The following ECT2L variants were observed in gnomAD, a reference collection of about 807,000 sequenced individuals.
ECT2L encodes epithelial cell transforming 2 like.
Under a neutral mutation model 122.8 loss-of-function variants are expected in ECT2L, and 126 were observed. The observed-to-expected ratio is 1.03, with a 90% CI of 0.89 to 1.19. The LOEUF (loss-of-function observed/expected upper bound fraction) is 1.19. Among genes scored for constraint, ECT2L ranks in the 50% most tolerant of loss-of-function variants. The probability of loss-of-function intolerance (pLI) is 0.00; values close to 1 mark genes in which losing one functional copy is unlikely to be tolerated. For synonymous variants in ECT2L, 385 were observed against 381.8 expected (o/e 1.01, Z -0.10); for missense variants, 1,012 against 1,064.1 (o/e 0.95, Z 0.68).
intron 9 of ECT2L, 146 bp from the exon 10 acceptor site, chr6:138,853,880 C>A: frequency 1.2e-6 from 1 of 835,682 alleles, no homozygotes; most frequent in Non-Finnish European, 1.9e-6. Flanking sequence ...CAACATGGTA[C>A]GGGAGGAAGC....
intron 4 of ECT2L, chr6:138,822,764 C>G (rs966046370): frequency 2.5e-6 from 4 of 1,596,168 alleles, no homozygotes; most frequent in African/African-American, 2.7e-5. Flanking sequence ...TGGAACAGAA[C>G]CAGTCAACAG....
At chr6:138,814,042 T>C (rs761839300) in intron 3 of ECT2L, among the ~76,000 whole-genome samples, 1 of 152,196 alleles carries the variant, frequency 6.6e-6, no homozygotes, top group Non-Finnish European at 1.5e-5. Context: ...TGGTGGGTGC[T>C]ATAAAGATCC....
rs151149204 is a variant in ECT2L at position 138,845,104 on chromosome 6, T to C, written c.764+524T>C. ...TGTATGTACAAATATAATTCTTTTA[T>C]AATAGAGAAACATCGGCTGTATTCA... On this transcript the variant is annotated intron_variant, in intron 7 of 21. Transcript: ENST00000541398. 8.8e-4 allele frequency among the ~76,000 whole-genome samples: 134 copies of C among 152,328 alleles called. 1 individual carries two copies. In the East Asian group the frequency reaches 0.023, roughly 26 times the overall value.
intron 20 of ECT2L, among the ~76,000 whole-genome samples, chr6:138,895,230 G>C (rs777982132): frequency 1.3e-5 from 2 of 152,104 alleles, no homozygotes; most frequent in Non-Finnish European, 2.9e-5. Flanking sequence ...ATTTCTACCA[G>C]GAATTTTTAC....
At chr6:138,817,653 T>TA (rs1776116037) in intron 4 of ECT2L, among the ~76,000 whole-genome samples, 1 of 152,246 alleles carries the variant, frequency 6.6e-6, no homozygotes, top group Non-Finnish European at 1.5e-5. Flanking sequence ...TCAAATATCT[T>TA]AGAGTTTTCT....
At chr6:138,815,697 G>A (rs1776043786) in intron 4 of ECT2L, among the ~76,000 whole-genome samples, 1 of 152,172 alleles carries the variant, frequency 6.6e-6, no homozygotes. Context: ...AAAAACTCTA[G>A]GTATGGCATC....
At chr6:138,820,270 A>G (rs1446080591) in intron 4 of ECT2L, among the ~76,000 whole-genome samples, 2 of 152,194 alleles carry the variant, frequency 1.3e-5, no homozygotes, top group African/African-American at 4.8e-5. Context: ...CCAGGGAGAC[A>G]TAAGGGTGGA....
rs1262840814 is a variant in ECT2L at position 138,886,869 on chromosome 6, A to T, written c.2272A>T (p.Ile758Phe). Residue 758 changes from isoleucine to phenylalanine, a missense_variant, in exon 19 of 22, where the codon ATC becomes TTC. Transcript: ENST00000541398. ...TTTTTTCCCCTAGATGAAGCAAAAC[A>T]TCACTATGAAGGATCATCTGTCAGA... ...KGYIDQMKQN[I>F]TMKDHLSDIQ... 6.2e-7 allele frequency: 1 copy of T among 1,613,440 alleles called. No individual in the cohort carries two copies.
At chr6:138,835,050 A>G (rs1170540653) in intron 4 of ECT2L, among the ~76,000 whole-genome samples, 1 of 152,148 alleles carries the variant, frequency 6.6e-6, no homozygotes, top group Non-Finnish European at 1.5e-5. Flanking sequence ...GATCAAAAAA[A>G]CAGCAGTGAC....
In ECT2L at chr6:138,896,092, A is replaced by ATT. The variant is rs74686619; in HGVS notation, c.2415-4842_2415-4841dup. 1.9e-3 allele frequency among the ~76,000 whole-genome samples: 268 copies of ATT among 139,780 alleles called. 5 individuals are homozygous for ATT. Among genetic ancestry groups the ATT allele is most frequent in the African/African-American group, 6.4e-3 (236 of 37,128 alleles). The allele number at this position is 139,780 out of a possible 152,430, so 91.7% of individuals were successfully genotyped here. On this transcript the variant is annotated intron_variant, in intron 20 of 21. Transcript: ENST00000541398. ...CATAAACACTGATTTTCATTGCTGA[A>ATT]TTTTTTTTTTTTTTTCCTTAATGAG...
intron 13 of ECT2L, chr6:138,870,278 C>G (rs1778204407): frequency 6.6e-6 from 1 of 152,616 alleles, no homozygotes; most frequent in Non-Finnish European, 1.5e-5. Flanking sequence ...GTTATTCCAA[C>G]AAAATGTGAC....
At position 138,903,924 on chromosome 6, in the gene ECT2L, A is replaced by G. The variant is rs1369513178; in HGVS notation, c.*1297A>G. On this transcript the variant is annotated 3_prime_UTR_variant, in exon 22 of 22. Transcript: ENST00000541398. ...CGGTGCAGTTTAGGACTGTGAATCT[A>G]TAGTATTTAAACATTTTTTCTTTCA... 3 of 152,222 alleles carry G rather than the reference A, an allele frequency of 2.0e-5. No homozygotes were observed. The highest frequency in any genetic ancestry group is 7.2e-5 in the African/African-American group (3 of 41,466). The allele number at this position is 152,222 out of a possible 1,614,324, so 9.4% of individuals were successfully genotyped here.
chr6:138,885,413 C>CT (rs1778782372), intron 16 of ECT2L, 93 bp from the exon 17 acceptor site: 2 of 1,263,056 alleles, frequency 1.6e-6, no homozygotes, highest in East Asian at 4.7e-5. Flanking sequence ...TGCCCTTTTG[C>CT]TTCAGGCATT....
At chr6:138,897,584 T>C (rs952132375) in intron 20 of ECT2L, among the ~76,000 whole-genome samples, 3 of 152,198 alleles carry the variant, frequency 2.0e-5, no homozygotes, top group Middle Eastern at 3.2e-3. Flanking sequence ...TTTTGGTGTT[T>C]GGTCTGTGGA....
intron 5 of ECT2L, among the ~76,000 whole-genome samples, chr6:138,842,229 C>A (rs138306920): frequency 1.3e-5 from 2 of 149,602 alleles, no homozygotes; most frequent in Non-Finnish European, 3.0e-5. Flanking sequence ...GAGGCTGAAG[C>A]GGGAGGATCA....
chr6:138,857,941 G>A (rs565190691), intron 10 of ECT2L, among the ~76,000 whole-genome samples: 2 of 152,182 alleles, frequency 1.3e-5, no homozygotes, highest in African/African-American at 4.8e-5. Context: ...TCCACGTGGC[G>A]GCAGGAGGAG....
chr6:138,854,697 C>T (rs1582618767), intron 10 of ECT2L, among the ~76,000 whole-genome samples: 1 of 152,112 alleles, frequency 6.6e-6, no homozygotes, highest in Admixed American at 6.6e-5. Context: ...ATAATAAACA[C>T]AGTGTAAATT....
At chr6:138,821,180 C>T (rs2128377721) in intron 4 of ECT2L, among the ~76,000 whole-genome samples, 1 of 152,348 alleles carries the variant, frequency 6.6e-6, no homozygotes, top group South Asian at 2.1e-4. Flanking sequence ...TGTCCCAGTT[C>T]TGTGGGTGCC....
At chr6:138,894,477 C>A (rs1464995374) in intron 20 of ECT2L, among the ~76,000 whole-genome samples, 1 of 152,138 alleles carries the variant, frequency 6.6e-6, no homozygotes, top group South Asian at 2.1e-4. Flanking sequence ...AATCCAAAAT[C>A]ATTTTATGCT....
Sources: gnomAD v4.1 joint callset for allele counts (sites outside exome capture counted in the v4.1 genomes callset) on GRCh38, gnomAD v4.1.1 for gene constraint, MANE v1.5 for transcripts, NCBI Gene and HGNC (gene_info 2026-07-23, HGNC 2026-07-21) for gene names.